RPS6KA5: variants seen among roughly 807,000 people sequenced by gnomAD.
RPS6KA5 encodes the protein ribosomal protein S6 kinase alpha-5.
Under a neutral mutation model 85.5 loss-of-function variants are expected in RPS6KA5, and 27 were observed. The ratio of observed to expected loss-of-function variants is 0.32; its 90% CI spans 0.23 to 0.44. The LOEUF (loss-of-function observed/expected upper bound fraction) is 0.44, where lower values mean the gene tolerates loss of function less well. Among genes scored for constraint, RPS6KA5 ranks in the 20% least tolerant of loss-of-function variants. RPS6KA5 has a pLI of 1.00. For synonymous variants in RPS6KA5, 334 were observed against 348.2 expected, an observed-to-expected ratio of 0.96 and a Z score of 0.46; for missense variants, 811 against 980.9, an observed-to-expected ratio of 0.83 and a Z score of 2.31.
At chr14:90,916,718 G>A (rs2036136043) in intron 7 of RPS6KA5, among the ~76,000 whole-genome samples, 1 of 151,908 alleles carries the variant, frequency 6.6e-6, no homozygotes, top group Admixed American at 6.6e-5. Flanking sequence ...TGAAATTACA[G>A]GTTGACACCA....
chr14:90,866,119 A>G lies in RPS6KA5; in HGVS notation c.*5955T>C, dbSNP rs188121814. 6.6e-6 allele frequency: 1 copy of G among 152,338 alleles called. No homozygotes were observed. The highest frequency in any genetic ancestry group is 1.9e-4 in the East Asian group (1 of 5,184). The allele number at this position is 152,338 out of a possible 1,614,324, so 9.4% of individuals were successfully genotyped here. On this transcript the variant is annotated 3_prime_UTR_variant, in exon 17 of 17. Coordinates refer to ENST00000614987, the MANE Select transcript of RPS6KA5 (RefSeq NM_004755.4). ...ACACAAATGAGTGTGGACACACCAT[A>G]GAAAAGCAGAAAAATACGAGAAAAA...
intron 1 of RPS6KA5, among the ~76,000 whole-genome samples, chr14:91,057,682 G>C (rs1279556728): frequency 6.6e-6 from 1 of 152,164 alleles, no homozygotes. Flanking sequence ...TGAGTGATTT[G>C]TTTCCCAAAT....
chr14:91,055,903 G>A (rs774703494), intron 1 of RPS6KA5, among the ~76,000 whole-genome samples: 110 of 152,318 alleles, frequency 7.2e-4, no homozygotes, highest in Admixed American at 1.6e-3. Context: ...GGCCCACATG[G>A]CAAGGAACCT....
At chr14:90,987,382 G>A (rs555369507) in intron 2 of RPS6KA5, among the ~76,000 whole-genome samples, 4 of 152,140 alleles carry the variant, frequency 2.6e-5, no homozygotes, top group Non-Finnish European at 4.4e-5. Flanking sequence ...AAGTAGCAAT[G>A]TCTTTAAGTT....
intron 1 of RPS6KA5, among the ~76,000 whole-genome samples, chr14:91,012,084 G>A (rs2041282970): frequency 1.3e-5 from 2 of 151,982 alleles, no homozygotes; most frequent in Non-Finnish European, 2.9e-5. Context: ...TCAGTTACTT[G>A]ACAGATTTTT....
chr14:90,991,484 T>C (rs1179164315), intron 2 of RPS6KA5, among the ~76,000 whole-genome samples: 3 of 151,990 alleles, frequency 2.0e-5, no homozygotes, highest in Non-Finnish European at 4.4e-5. Flanking sequence ...GGTGGGTCAC[T>C]TGAGGTCAGG....
chr14:90,951,619 C>A (rs2038195041), intron 3 of RPS6KA5, among the ~76,000 whole-genome samples: 1 of 152,162 alleles, frequency 6.6e-6, no homozygotes, highest in South Asian at 2.1e-4. Context: ...TAATAATAGA[C>A]TGGGCACCAA....
At chr14:90,905,926 T>C (rs193036283) in intron 8 of RPS6KA5, among the ~76,000 whole-genome samples, 18 of 152,146 alleles carry the variant, frequency 1.2e-4, no homozygotes, top group African/African-American at 3.1e-4. Flanking sequence ...TCCCACTCCA[T>C]TGAGGGAGAA....
chr14:91,009,045 G>A (rs1479423925), intron 1 of RPS6KA5, among the ~76,000 whole-genome samples: 3 of 152,222 alleles, frequency 2.0e-5, no homozygotes, highest in Non-Finnish European at 4.4e-5. Context: ...AAAAGGCACA[G>A]GACAGGGTCC....
rs944986659 is a variant in RPS6KA5, at chr14:90,857,347, G to A, written c.*14727C>T. 5.3e-5 allele frequency: 8 copies of A among 152,136 alleles called. No individual in the cohort carries two copies. Among genetic ancestry groups the A allele is most frequent in the Admixed American group, 2.0e-4 (3 of 15,272 alleles). The allele number at this position is 152,136 out of a possible 1,614,324, so 9.4% of individuals were successfully genotyped here. ...CCACCAAGCCATTTTTTGGTATCAC[G>A]AAGCATTTAATAAGTGCTTAGTTGC... is the stretch of plus-strand genomic sequence containing the variant. On this transcript the variant is annotated 3_prime_UTR_variant, in exon 17 of 17. Coordinates refer to ENST00000614987, the MANE Select transcript of RPS6KA5 (RefSeq NM_004755.4).
intron 5 of RPS6KA5, among the ~76,000 whole-genome samples, chr14:90,933,048 C>T (rs1387008080): frequency 6.6e-6 from 1 of 152,218 alleles, no homozygotes; most frequent in African/African-American, 2.4e-5. Flanking sequence ...GACAATAAGG[C>T]TACTGCTATT....
chr14:90,977,060 G>T (rs1464993745), intron 3 of RPS6KA5, among the ~76,000 whole-genome samples: 3 of 152,128 alleles, frequency 2.0e-5, no homozygotes, highest in Non-Finnish European at 4.4e-5. Flanking sequence ...GTAACTTCAG[G>T]ACATACAGCT....
intron 7 of RPS6KA5, among the ~76,000 whole-genome samples, chr14:90,914,977 A>T (rs1042606316): frequency 6.6e-6 from 1 of 152,260 alleles, no homozygotes; most frequent in East Asian, 1.9e-4. Context: ...AGAAATACCC[A>T]AAATGAGGAA....
At chr14:91,000,624 G>A (rs958307015) in intron 2 of RPS6KA5, among the ~76,000 whole-genome samples, 3 of 152,072 alleles carry the variant, frequency 2.0e-5, no homozygotes, top group African/African-American at 7.2e-5. Context: ...ACAACATGGT[G>A]AAACCCCGTC....
intron 1 of RPS6KA5, among the ~76,000 whole-genome samples, chr14:91,053,676 C>T (rs1322189350): frequency 2.0e-5 from 3 of 152,000 alleles, no homozygotes; most frequent in African/African-American, 4.8e-5. Context: ...AACGGAAAAA[C>T]GTTGTTGAAA....
At chr14:90,912,507 A>T (rs1348033524) in intron 7 of RPS6KA5, among the ~76,000 whole-genome samples, 3 of 152,232 alleles carry the variant, frequency 2.0e-5, no homozygotes, top group Non-Finnish European at 4.4e-5. Flanking sequence ...GTAAAACTGC[A>T]TATGCTACCA....
At chr14:90,914,319 T>TTG (rs2035995706) in intron 7 of RPS6KA5, among the ~76,000 whole-genome samples, 3 of 141,780 alleles carry the variant, frequency 2.1e-5, no homozygotes, top group South Asian at 2.4e-4. Flanking sequence ...GTTTTTTTTT[T>TTG]TTTTTTTTTT....
At chr14:90,906,324 TAAAAC>T (rs1357408227) in intron 7 of RPS6KA5, 25 bp from the exon 8 acceptor site, 3 of 1,495,784 alleles carry the variant, frequency 2.0e-6, no homozygotes, top group Non-Finnish European at 2.7e-6. Context: ...AACTTGCTGT[TAAAAC>T]AAACAGGATG....
At chr14:90,874,412 A>G (rs2092296926) in intron 15 of RPS6KA5, among the ~76,000 whole-genome samples, 1 of 152,172 alleles carries the variant, frequency 6.6e-6, no homozygotes, top group Admixed American at 6.5e-5. Flanking sequence ...AAGAGCATGT[A>G]AAGACACGGA....
Sources: gnomAD v4.1 joint callset for allele counts (sites outside exome capture counted in the v4.1 genomes callset) on GRCh38, gnomAD v4.1.1 for gene constraint, MANE v1.5 for transcripts, NCBI Gene and HGNC (gene_info 2026-07-23, HGNC 2026-07-21) for gene names.